The following PHF20L1 variants were observed in gnomAD, a reference collection of about 807,000 sequenced individuals.
PHF20L1 encodes the protein PHD finger protein 20-like protein 1.
In PHF20L1, 44 loss-of-function variants were observed where a neutral mutation model predicts 125.5. That is an observed-to-expected ratio of 0.35 (90% CI 0.28 to 0.45). PHF20L1 has a LOEUF of 0.45. Among genes scored for constraint, PHF20L1 ranks in the 20% least tolerant of loss-of-function variants. The probability of loss-of-function intolerance (pLI) is 1.00; values close to 1 mark genes in which losing one functional copy is unlikely to be tolerated. For synonymous variants in PHF20L1, 380 were observed against 403.1 expected (o/e 0.94, Z 0.69); for missense variants, 1,012 against 1,217.2 (o/e 0.83, Z 2.51).
Position 132,847,672 on chromosome 8 carries a change from C to T in PHF20L1, c.*1749C>T, listed in dbSNP as rs1838514807. The T allele has an allele frequency of 2.0e-5, 3 of 152,430 alleles. No homozygotes were observed. The Admixed American group carries it at 2.0e-4, about 10-fold the overall frequency. 9.4% of individuals were successfully genotyped at this position (152,430 alleles called of 1,614,324 possible). A position where few individuals can be genotyped will look rare whatever the true frequency, so the allele number is the denominator to read the frequency against. ...CAAAACAGTCAGAAATTTTTATTGCCTTTTGAGATTCTCCAACTTGACAAA... is the reference window on the plus strand; with the variant it reads ...CAAAACAGTCAGAAATTTTTATTGCTTTTTGAGATTCTCCAACTTGACAAA... On this transcript the variant is annotated 3_prime_UTR_variant, in exon 21 of 21. Transcript: ENST00000395386.
At chr8:132,836,755 T>A (rs765115292) in intron 16 of PHF20L1, 34 bp downstream of exon 16, 1 of 1,509,934 alleles carries the variant, frequency 6.6e-7, no homozygotes, top group South Asian at 1.2e-5. Context: ...TATAATGAGT[T>A]AGTTGTTTCA....
Position 132,814,893 on chromosome 8 carries a change from A to G in PHF20L1, c.1183+4A>G. The G allele has an allele frequency of 6.4e-7, 1 of 1,573,256 alleles. No homozygotes were observed. Among genetic ancestry groups the G allele is most frequent in the East Asian group, 2.2e-5 (1 of 44,476 alleles). ...TCTTCAGTGATAAATAAAACTAGTG[A>G]GCACAGATTTTTAAAAAATAGTTAT... On this transcript the variant is annotated splice_donor_region_variant and intron_variant, in intron 10 of 20. Coordinates refer to ENST00000395386, the MANE Select transcript of PHF20L1 (RefSeq NM_016018.5).
chr8:132,825,015 C>T, intron 13 of PHF20L1: 2 of 1,412,966 alleles, frequency 1.4e-6, no homozygotes, highest in Non-Finnish European at 1.9e-6. Context: ...GTTTTAACTA[C>T]TGTCTGTGTT....
chr8:132,848,166 C>A lies in PHF20L1; in HGVS notation c.*2243C>A. On this transcript the variant is annotated 3_prime_UTR_variant, in exon 21 of 21. Transcript: ENST00000395386. Reference sequence around the variant, plus strand: ...TTCTTGTAGTTTCTAAAAATTAGATCAATTTATTTGTTAGCCAGCAAATTG... The same window carrying A: ...TTCTTGTAGTTTCTAAAAATTAGATAAATTTATTTGTTAGCCAGCAAATTG... The A allele has an allele frequency of 1.3e-5, 2 of 151,924 alleles. 1 individual carries two copies. Among genetic ancestry groups the A allele is most frequent in the South Asian group, 4.1e-4 (2 of 4,820 alleles). The allele number at this position is 151,924 out of a possible 1,614,324, so 9.4% of individuals were successfully genotyped here. A position where few individuals can be genotyped will look rare whatever the true frequency, so the allele number is the denominator to read the frequency against.
At position 132,817,423 on chromosome 8, in the gene PHF20L1, CG is replaced by C; in HGVS notation, c.1459del (p.Val487Ter). 6.2e-7 allele frequency: 1 copy of C among 1,612,590 alleles called. No individual in the cohort carries two copies. Among genetic ancestry groups the C allele is most frequent in the Non-Finnish European group, 8.5e-7 (1 of 1,179,100 alleles). On this transcript the variant is annotated frameshift_variant, in exon 12 of 21. Transcript: ENST00000395386. LOFTEE classifies it high-confidence loss of function. ...DLSRGSEVTA[P>X]VASDSSYRNE... ...AGTCGTGGTTCAGAAGTTACAGCAC[CG>C]GTAGCCTCAGATTCCTCTTACCGTA...
In PHF20L1 at chr8:132,844,055, A is replaced by C; in HGVS notation, c.2749-101A>C. On this transcript the variant is annotated intron_variant, in intron 19 of 20. Coordinates refer to ENST00000395386, the MANE Select transcript of PHF20L1 (RefSeq NM_016018.5). ...TACCCCTGGAGTCAGATTGGATCTC[A>C]CTAACTGTTACCAGTGATGAGGTGT... is the stretch of plus-strand genomic sequence containing the variant. 3 of 1,535,266 alleles carry C rather than the reference A, an allele frequency of 2.0e-6. No individual in the cohort carries two copies. In the East Asian group the frequency reaches 6.9e-5, roughly 35 times the overall value.
chr8:132,814,970 T>G, intron 10 of PHF20L1, 81 bp downstream of exon 10: 2 of 1,147,504 alleles, frequency 1.7e-6, no homozygotes, highest in South Asian at 3.5e-5. Context: ...TATTGTATTT[T>G]TATGAAGTTG....
In PHF20L1 at chr8:132,842,636, A is replaced by T. The variant is rs1402188594; in HGVS notation, c.2509A>T (p.Lys837Ter). The T allele has an allele frequency of 6.2e-7, 1 of 1,613,154 alleles. No homozygotes were observed. ...AGACACAGTTAATCGAGAAGAAAAGAAATATGTACAGAACCATAAAGAACC... is the reference window on the plus strand; with the variant it reads ...AGACACAGTTAATCGAGAAGAAAAGTAATATGTACAGAACCATAAAGAACC... Reference protein sequence around the residue: ...AQDTVNREEKKYVQNHKEPPR... With the variant: ...AQDTVNREEK Residue 837 changes from lysine to a stop codon, truncating the protein, a stop_gained, in exon 19 of 21, where the codon AAA (lysine) becomes TAA (stop). Coordinates refer to ENST00000395386, the MANE Select transcript of PHF20L1 (RefSeq NM_016018.5). LOFTEE classifies it high-confidence loss of function.
chr8:132,778,764 C>A (rs1395472993), intron 2 of PHF20L1, among the ~76,000 whole-genome samples: 1 of 152,156 alleles, frequency 6.6e-6, no homozygotes, highest in Non-Finnish European at 1.5e-5. Context: ...TCTTTTGTTG[C>A]CATTTGCAGG....
At chr8:132,838,957 T>C (rs1837651510) in intron 17 of PHF20L1, among the ~76,000 whole-genome samples, 1 of 152,170 alleles carries the variant, frequency 6.6e-6, no homozygotes, top group Non-Finnish European at 1.5e-5. Flanking sequence ...CATAGGATTC[T>C]GTGAAATCAC....
At chr8:132,808,742 G>T (rs1310474233) in intron 8 of PHF20L1, 1 of 150,202 alleles carries the variant, frequency 6.7e-6, no homozygotes, top group African/African-American at 2.4e-5. Flanking sequence ...GATTGAAGCT[G>T]TTTTTGTAAA....
In PHF20L1 at chr8:132,848,653, G is replaced by A. The variant is rs899959103; in HGVS notation, c.*2730G>A. 12 of 152,294 alleles carry A rather than the reference G, an allele frequency of 7.9e-5. No individual in the cohort carries two copies. The highest frequency in any genetic ancestry group is 2.2e-4 in the African/African-American group (9 of 41,394). The allele number at this position is 152,294 out of a possible 1,614,324, so 9.4% of individuals were successfully genotyped here. On this transcript the variant is annotated 3_prime_UTR_variant, in exon 21 of 21. Transcript: ENST00000395386. ...TCCAAACTTAAGAGTAATGTACTTC[G>A]AAAACAACTTGGTTATTCTTTAAAT...
Position 132,832,246 on chromosome 8 carries a change from T to G in PHF20L1, c.1756T>G (p.Tyr586Asp). ...ATCTTATGTTGCAGACTATTCAGAC[T>G]ATGAAGACAGTTCCCTCGAATTTTT... ...KKSKQHDYSD[Y>D]EDSSLEFLER... The change falls in exon 15 of 21, where the codon TAT (tyrosine) becomes GAT (aspartate). Residue 586 changes from tyrosine to aspartate, a missense_variant. By Grantham distance (160) the Tyr-to-Asp change is radical (BLOSUM62 -3). Transcript: ENST00000395386. 1.9e-6 allele frequency: 3 copies of G among 1,585,622 alleles called. No homozygotes were observed. The highest frequency in any genetic ancestry group is 2.6e-6 in the Non-Finnish European group (3 of 1,154,600).
intron 17 of PHF20L1, chr8:132,838,562 G>A (rs887857274): frequency 5.3e-5 from 8 of 152,138 alleles, no homozygotes; most frequent in African/African-American, 1.9e-4. Context: ...CCTCCAGGCA[G>A]GAAATAACTA....
At chr8:132,799,672 A>C (rs1206922046) in intron 6 of PHF20L1, 1 of 152,050 alleles carries the variant, frequency 6.6e-6, no homozygotes, top group Non-Finnish European at 1.5e-5. Flanking sequence ...ATGCGGTGAA[A>C]ACTGTCATTC....
At chr8:132,819,747 A>G (rs1042485739) in intron 12 of PHF20L1, among the ~76,000 whole-genome samples, 1 of 151,866 alleles carries the variant, frequency 6.6e-6, no homozygotes, top group Non-Finnish European at 1.5e-5. Context: ...GTTGGTGTCC[A>G]TATTATAAAA....
rs1031188073 is a variant in PHF20L1 at position 132,839,756 on chromosome 8, G to A, written c.2387+174G>A. 2.0e-5 allele frequency among the ~76,000 whole-genome samples: 3 copies of A among 152,132 alleles called. No homozygotes were observed. In the South Asian group the frequency reaches 6.2e-4, roughly 32 times the overall value. On this transcript the variant is annotated intron_variant, in intron 18 of 20. Coordinates refer to ENST00000395386, the MANE Select transcript of PHF20L1 (RefSeq NM_016018.5). ...TTAACAACCTTTTGGATGCGTTGGT[G>A]CTTCCTGTCTATTCTAGAATGTGTA...
chr8:132,843,573 A>G, intron 19 of PHF20L1: 1 of 984,314 alleles, frequency 1.0e-6, no homozygotes, highest in Non-Finnish European at 1.2e-6. Flanking sequence ...CCATGTGCAA[A>G]ATGAGTTATC....
At chr8:132,833,123 TG>T (rs1308844360) in intron 15 of PHF20L1, among the ~76,000 whole-genome samples, 1 of 152,086 alleles carries the variant, frequency 6.6e-6, no homozygotes, top group Non-Finnish European at 1.5e-5. Context: ...AGAGCTCTAA[TG>T]CAATAGCAAC....
Sources: allele counts gnomAD v4.1 joint callset (sites outside exome capture counted in the v4.1 genomes callset), GRCh38; gene constraint gnomAD v4.1.1; transcripts MANE v1.5; gene names NCBI Gene and HGNC (gene_info 2026-07-23, HGNC 2026-07-21).